Variants in PGPEP1L observed in about 807,000 individuals in gnomAD.
PGPEP1L encodes the protein pyroglutamyl-peptidase 1-like protein.
In PGPEP1L, 7 loss-of-function variants were observed where a neutral mutation model predicts 6.0. The ratio of observed to expected loss-of-function variants is 1.17; its 90% CI spans 0.66 to 2.19. PGPEP1L has a LOEUF of 2.19. Among genes scored for constraint, PGPEP1L ranks in the 30% most tolerant of loss-of-function variants. PGPEP1L has a pLI of 0.00. For synonymous variants in PGPEP1L, 103 were observed against 83.9 expected (o/e 1.23, Z -1.24); for missense variants, 209 against 192.5 (o/e 1.09, Z -0.51).
chr15:98,992,181 A>G (rs2017828779), intron 2 of PGPEP1L, among the ~76,000 whole-genome samples: 1 of 152,230 alleles, frequency 6.6e-6, no homozygotes, highest in African/African-American at 2.4e-5. Flanking sequence ...AGATGAAATG[A>G]TTGTATATTT....
intron 2 of PGPEP1L, among the ~76,000 whole-genome samples, chr15:98,995,386 A>G (rs888090377): frequency 6.6e-6 from 1 of 152,128 alleles, no homozygotes; most frequent in Non-Finnish European, 1.5e-5. Flanking sequence ...CACCTCCCAT[A>G]CAATTATCCC....
At chr15:98,997,170 G>A (rs948834635) in intron 2 of PGPEP1L, among the ~76,000 whole-genome samples, 1 of 152,200 alleles carries the variant, frequency 6.6e-6, no homozygotes, top group Non-Finnish European at 1.5e-5. Context: ...GCCCATGAAA[G>A]CCCCAAGCTG....
Position 98,972,872 on chromosome 15 carries a change from C to CAAAAAAAAAA in PGPEP1L, c.-141-1724_-141-1715dup, listed in dbSNP as rs58126997. On this transcript the variant is annotated intron_variant, in intron 2 of 4. Coordinates refer to ENST00000535714, the MANE Select transcript of PGPEP1L (RefSeq NM_001167902.2). ...TGGGTGACAGAGTGAGACTCCGTCT[C>CAAAAAAAAAA]AAAAAAAAAAAAAAAAAAAAAAAAA... Among the ~76,000 whole-genome samples, 2 of 45,654 alleles carry CAAAAAAAAAA rather than the reference C, an allele frequency of 4.4e-5. 1 individual carries two copies. Among genetic ancestry groups the CAAAAAAAAAA allele is most frequent in the Non-Finnish European group, 7.5e-5 (2 of 26,828 alleles). The allele number at this position is 45,654 out of a possible 152,430, so 30.0% of individuals were successfully genotyped here.
Position 98,979,332 on chromosome 15 carries a change from C to CA in PGPEP1L, c.-141-8175dup, listed in dbSNP as rs775963742. ...TGATTTCAGGATGCCAAAATTAAAA[C>CA]AAAAAAAAAACCAAAAAACACCTGG... On this transcript the variant is annotated intron_variant, in intron 2 of 4. Transcript: ENST00000535714. Among the ~76,000 whole-genome samples the CA allele has an allele frequency of 4.3e-3, 145 of 33,944 alleles. 1 individual carries two copies. The highest frequency in any genetic ancestry group is 8.2e-3 in the Non-Finnish European group (121 of 14,674). The allele number at this position is 33,944 out of a possible 152,430, so 22.3% of individuals were successfully genotyped here. A position where few individuals can be genotyped will look rare whatever the true frequency, so the allele number is the denominator to read the frequency against.
intron 2 of PGPEP1L, among the ~76,000 whole-genome samples, chr15:98,985,129 A>G (rs1344637367): frequency 2.6e-5 from 4 of 152,166 alleles, no homozygotes; most frequent in African/African-American, 9.7e-5. Context: ...ATATGAACTC[A>G]CGGCACAGGG....
intron 2 of PGPEP1L, among the ~76,000 whole-genome samples, chr15:98,989,021 G>A (rs890844683): frequency 4.0e-4 from 61 of 152,282 alleles, no homozygotes; most frequent in African/African-American, 1.3e-3. Context: ...CCATGAAGAT[G>A]GGGAGAAATC....
rs1037245139 is a variant in PGPEP1L, at chr15:98,984,857, G to C, written c.-141-13699C>G. Among the ~76,000 whole-genome samples, 3 of 152,072 alleles carry C rather than the reference G, an allele frequency of 2.0e-5. No homozygotes were observed. In the East Asian group the frequency reaches 5.8e-4, roughly 29 times the overall value. ...TACCACCAAGAAGGGGAAAATGAAA[G>C]CTAGAGACTGATAGCAAGGACGGTG... On this transcript the variant is annotated intron_variant, in intron 2 of 4. Transcript: ENST00000535714.
intron 2 of PGPEP1L, among the ~76,000 whole-genome samples, chr15:98,999,928 C>G (rs1025479354): frequency 6.6e-6 from 1 of 152,276 alleles, no homozygotes; most frequent in South Asian, 2.1e-4. Flanking sequence ...CCCTCCTGTG[C>G]CTGGGCTCCC....
intron 3 of PGPEP1L, 47 bp downstream of exon 3, chr15:98,970,989 C>G: frequency 1.2e-6 from 2 of 1,608,218 alleles, no homozygotes; most frequent in Non-Finnish European, 1.7e-6. Flanking sequence ...GAGGCTCCAG[C>G]TCCACATCGC....
At chr15:98,999,303 T>C (rs1432718313) in intron 2 of PGPEP1L, among the ~76,000 whole-genome samples, 1 of 152,186 alleles carries the variant, frequency 6.6e-6, no homozygotes, top group East Asian at 1.9e-4. Flanking sequence ...GATGAGGATA[T>C]ACAGGTGGCA....
intron 2 of PGPEP1L, among the ~76,000 whole-genome samples, chr15:98,978,782 T>C (rs1038282286): frequency 1.4e-5 from 2 of 141,852 alleles, no homozygotes; most frequent in African/African-American, 5.3e-5. Context: ...CAGGCTGGAG[T>C]GCGGTGGCAT....
chr15:98,994,472 G>C (rs1196237651), intron 2 of PGPEP1L, among the ~76,000 whole-genome samples: 1 of 151,480 alleles, frequency 6.6e-6, no homozygotes, highest in Non-Finnish European at 1.5e-5. Flanking sequence ...TGGGCAACAT[G>C]GCAAAACCTT....
intron 2 of PGPEP1L, chr15:98,998,279 A>T (rs1182568216): frequency 1.3e-5 from 2 of 152,368 alleles, no homozygotes; most frequent in African/African-American, 2.4e-5. Context: ...TGCTCCTCAG[A>T]CCATCTTGGG....
At chr15:98,993,935 A>G (rs2654970) in intron 2 of PGPEP1L, among the ~76,000 whole-genome samples, 99,482 of 152,036 alleles carry the variant, frequency 0.65, 34,069 homozygotes, top group Non-Finnish European at 0.77. Flanking sequence ...TCTAAAGCTG[A>G]TATCTGGATG....
intron 2 of PGPEP1L, among the ~76,000 whole-genome samples, chr15:99,003,040 G>C (rs2017996486): frequency 6.6e-6 from 1 of 152,012 alleles, no homozygotes; most frequent in Admixed American, 6.6e-5. Context: ...TGGCTCATGA[G>C]GAAGTAAAAA....
At chr15:99,002,227 C>T (rs575491075) in intron 2 of PGPEP1L, among the ~76,000 whole-genome samples, 53 of 152,258 alleles carry the variant, frequency 3.5e-4, no homozygotes, top group African/African-American at 1.2e-3. Flanking sequence ...AACTCCTGGT[C>T]TCAGGTGATC....
At chr15:99,002,071 C>T (rs1376442881) in intron 2 of PGPEP1L, among the ~76,000 whole-genome samples, 1 of 152,036 alleles carries the variant, frequency 6.6e-6, no homozygotes, top group Non-Finnish European at 1.5e-5. Context: ...GAGTGTAGTA[C>T]CACGATCATA....
intron 2 of PGPEP1L, among the ~76,000 whole-genome samples, chr15:98,983,109 A>G (rs1235746117): frequency 6.6e-6 from 1 of 152,010 alleles, no homozygotes; most frequent in East Asian, 1.9e-4. Context: ...CCTAGGTTGG[A>G]AAAAGGTTTT....
intron 2 of PGPEP1L, among the ~76,000 whole-genome samples, chr15:98,987,970 T>C (rs1194761718): frequency 1.3e-5 from 2 of 152,180 alleles, no homozygotes; most frequent in African/African-American, 2.4e-5. Context: ...ACTGCGCTTT[T>C]CCTATGGTCT....
Sources: allele counts gnomAD v4.1 joint callset (sites outside exome capture counted in the v4.1 genomes callset), GRCh38; gene constraint gnomAD v4.1.1; transcripts MANE v1.5; gene names NCBI Gene and HGNC (gene_info 2026-07-23, HGNC 2026-07-21).